GC: variants seen among roughly 807,000 people sequenced by gnomAD.
GC encodes vitamin D-binding protein.
GC carries 43 observed loss-of-function variants against 56.7 expected under a neutral mutation model. That is an observed-to-expected ratio of 0.76 (90% CI 0.59 to 0.98). GC has a LOEUF of 0.98. GC is among the 50% of genes least tolerant of loss of function. The pLI is 0.00. For missense variants in GC, 529 were observed against 545.9 expected (o/e 0.97, Z 0.31); for synonymous variants, 216 against 202.7 (o/e 1.07, Z -0.56).
intron 1 of GC, among the ~76,000 whole-genome samples, chr4:71,775,236 C>A (rs2149304224): frequency 6.6e-6 from 1 of 151,888 alleles, no homozygotes; most frequent in East Asian, 1.9e-4. Context: ...CTTTATTTTC[C>A]ATGAAGGTTC....
rs185114327 is a variant in GC at position 71,799,048 on chromosome 4, G to A, written c.21+4878C>T. On this transcript the variant is annotated intron_variant, in intron 1 of 13. Coordinates refer to the GC transcript ENST00000504199. ...TAGAACATTTTCATTATGCCCAAAA[G>A]AAACCCCGTAGTTCCCCCTTTTGGC... is the stretch of plus-strand genomic sequence containing the variant. 2.1e-3 allele frequency among the ~76,000 whole-genome samples: 325 copies of A among 152,248 alleles called. 2 individuals carry two copies. The highest frequency in any genetic ancestry group is 3.6e-3 in the Non-Finnish European group (244 of 68,008).
chr4:71,773,345 CT>C (rs1351659963), intron 1 of GC, among the ~76,000 whole-genome samples: 1 of 152,016 alleles, frequency 6.6e-6, no homozygotes, highest in Admixed American at 6.6e-5. Flanking sequence ...TAATTCTGAA[CT>C]TTTGAAAGCC....
In GC at chr4:71,765,485, T is replaced by C. The variant is rs762051202; in HGVS notation, c.420A>G (p.Thr140=). ...TGAACGCCTCACAGATTTCATCATT[T>C]GTGGGTTCCACGTAGGTAGGGAATT... ...PQEFPTYVEP[T]NDEICEAFRK... The change falls in exon 4 of 13, where the codon ACA becomes ACG. Residue 140 remains threonine (T), a synonymous_variant. Transcript: ENST00000273951. 3 of 1,614,066 alleles carry C rather than the reference T, an allele frequency of 1.9e-6. No individual in the cohort carries two copies. Among genetic ancestry groups the C allele is most frequent in the Middle Eastern group, 1.7e-4 (1 of 6,006 alleles).
intron 6 of GC, among the ~76,000 whole-genome samples, chr4:71,760,548 A>T (rs1400454198): frequency 6.6e-6 from 1 of 152,134 alleles, no homozygotes. Flanking sequence ...AAACTATCAA[A>T]ATTAAAATAC....
intron 12 of GC, among the ~76,000 whole-genome samples, chr4:71,744,522 C>A (rs1027584952): frequency 1.3e-5 from 2 of 151,092 alleles, no homozygotes; most frequent in Admixed American, 6.6e-5. Flanking sequence ...TCTTGAAATC[C>A]ATCAAATTAT....
intron 1 of GC, among the ~76,000 whole-genome samples, chr4:71,790,172 T>G (rs531802503): frequency 2.0e-4 from 31 of 152,126 alleles, no homozygotes; most frequent in African/African-American, 7.0e-4. Context: ...TCTAATACTA[T>G]TAGGTGGGTG....
At chr4:71,775,371 G>A (rs1246622132) in intron 1 of GC, among the ~76,000 whole-genome samples, 1 of 151,850 alleles carries the variant, frequency 6.6e-6, no homozygotes, top group African/African-American at 2.4e-5. Context: ...CATTCAACAA[G>A]GGCTGGCACA....
chr4:71,773,831 A>C (rs1258990746), intron 1 of GC, among the ~76,000 whole-genome samples: 2 of 151,926 alleles, frequency 1.3e-5, no homozygotes, highest in East Asian at 3.9e-4. Context: ...TCACAATTTC[A>C]TTTCTTTGGC....
At chr4:71,773,990 A>G (rs981553840) in intron 1 of GC, among the ~76,000 whole-genome samples, 5 of 152,046 alleles carry the variant, frequency 3.3e-5, no homozygotes, top group African/African-American at 1.2e-4. Flanking sequence ...TTCATTTCAC[A>G]GTAGTGAATT....
chr4:71,797,021 G>T (rs534423312), intron 1 of GC, among the ~76,000 whole-genome samples: 46 of 152,196 alleles, frequency 3.0e-4, no homozygotes, highest in Non-Finnish European at 3.5e-4. Flanking sequence ...AAATATTGCA[G>T]AACAGCAAAT....
rs550949798 is a variant in GC, at chr4:71,747,382, C to T, written c.1396-1177G>A. 3.3e-5 allele frequency among the ~76,000 whole-genome samples: 5 copies of T among 152,032 alleles called. No homozygotes were observed. In the East Asian group the frequency reaches 5.8e-4, roughly 18 times the overall value. ...ATGGAAATGAAGAACAAGGAAAAAA[C>T]TCTGGAAACAAATTTAAGAGACAGG... On this transcript the variant is annotated intron_variant, in intron 11 of 12. Coordinates refer to ENST00000273951, the MANE Select transcript of GC (RefSeq NM_000583.4).
Position 71,741,874 on chromosome 4 carries a change from T to A in GC, c.*26-4A>T, listed in dbSNP as rs878883202. The A allele has an allele frequency of 1.4e-6, 1 of 702,946 alleles. No homozygotes were observed. The highest frequency in any genetic ancestry group is 2.6e-6 in the Non-Finnish European group (1 of 384,984). 43.5% of individuals were successfully genotyped at this position (702,946 alleles called of 1,614,324 possible). Reference sequence around the variant, plus strand: ...CCTGGGTGGCTCCAACTCTGGTCTATGAGAATAATGAAATGAATTTTATGT... The same window carrying A: ...CCTGGGTGGCTCCAACTCTGGTCTAAGAGAATAATGAAATGAATTTTATGT... On this transcript the variant is annotated splice_region_variant and splice_polypyrimidine_tract_variant and intron_variant, in intron 12 of 12. Transcript: ENST00000273951.
chr4:71,777,306 T>G (rs1251603636), intron 1 of GC, among the ~76,000 whole-genome samples: 1 of 151,828 alleles, frequency 6.6e-6, no homozygotes. Context: ...TGCTATTTTG[T>G]GTTAACCATT....
At chr4:71,803,959 G>A (rs1229819861) in exon 1 of GC, 2 of 1,487,626 alleles carry the variant, frequency 1.3e-6, no homozygotes, top group Non-Finnish European at 1.8e-6. Flanking sequence ...CCTACCAGTT[G>A]GACTAGTCCA....
At chr4:71,743,513 A>G (rs757317400) in intron 12 of GC, among the ~76,000 whole-genome samples, 1 of 152,200 alleles carries the variant, frequency 6.6e-6, no homozygotes, top group African/African-American at 2.4e-5. Context: ...GCAACTCATG[A>G]CTAGGATTGT....
At chr4:71,781,648 A>G (rs1742684741) in intron 1 of GC, among the ~76,000 whole-genome samples, 1 of 151,854 alleles carries the variant, frequency 6.6e-6, no homozygotes, top group East Asian at 1.9e-4. Context: ...GATATATTGT[A>G]TATTAGTATT....
chr4:71,792,504 G>A (rs553240072), intron 1 of GC, among the ~76,000 whole-genome samples: 1 of 152,016 alleles, frequency 6.6e-6, no homozygotes, highest in African/African-American at 2.4e-5. Context: ...TTTTGATGGG[G>A]CTCTTTGTTT....
At chr4:71,788,011 G>A (rs889188194), upstream of GC, among the ~76,000 whole-genome samples, 2 of 151,832 alleles carry the variant, frequency 1.3e-5, no homozygotes, top group African/African-American at 2.4e-5. Flanking sequence ...CTCTCCCACA[G>A]TGCTCCTACT....
In GC at chr4:71,763,413, C is replaced by A; in HGVS notation, c.696G>T (p.Arg232Ser). 6.4e-7 allele frequency: 1 copy of A among 1,551,396 alleles called. No homozygotes were observed. The change falls in exon 6 of 13, where the codon AGG (arginine) becomes AGT (serine). Residue 232 changes from arginine to serine, a missense_variant. Arg to Ser is a moderately radical substitution (Grantham distance 110). Transcript: ENST00000273951. ...QYAAYGEKKS[R>S]LSNLIKLAQK... ...CAATAGCACTTAATCTTTACCTGAGCCTTGATTTCTTCTCCCCATAAGCAG... is the reference window on the plus strand; with the variant it reads ...CAATAGCACTTAATCTTTACCTGAGACTTGATTTCTTCTCCCCATAAGCAG...
Sources: allele counts gnomAD v4.1 joint callset (sites outside exome capture counted in the v4.1 genomes callset), GRCh38; gene constraint gnomAD v4.1.1; transcripts MANE v1.5; gene names NCBI Gene and HGNC (gene_info 2026-07-23, HGNC 2026-07-21).